Variants in RPRD1A observed in about 807,000 individuals in gnomAD.
The protein encoded by RPRD1A is regulation of nuclear pre-mRNA domain-containing protein 1A.
A neutral mutation model predicts 37.8 loss-of-function variants in RPRD1A; 9 were observed. The observed-to-expected ratio is 0.24, with a 90% CI of 0.14 to 0.42. RPRD1A has a LOEUF of 0.42. Ranked by LOEUF, RPRD1A falls within the 10% of genes least tolerant of loss-of-function variation. RPRD1A has a pLI of 1.00. For synonymous variants in RPRD1A, 138 were observed against 139.7 expected (o/e 0.99, Z 0.08); for missense variants, 255 against 371.0 (o/e 0.69, Z 2.57).
chr18:36,035,832 C>A (rs971365343), intron 1 of RPRD1A, among the ~76,000 whole-genome samples: 5 of 151,936 alleles, frequency 3.3e-5, no homozygotes, highest in African/African-American at 1.2e-4. Context: ...GTGAAATAAT[C>A]GAGTCATGAA....
At chr18:36,053,298 C>T (rs868821258) in intron 1 of RPRD1A, among the ~76,000 whole-genome samples, 2 of 152,150 alleles carry the variant, frequency 1.3e-5, no homozygotes, top group African/African-American at 2.4e-5. Flanking sequence ...TTCAGCACCT[C>T]CAAAGACAAG....
At chr18:36,061,096 GC>G (rs764988871) in intron 1 of RPRD1A, among the ~76,000 whole-genome samples, 3 of 152,114 alleles carry the variant, frequency 2.0e-5, no homozygotes, top group Non-Finnish European at 4.4e-5. Context: ...GCAGGCCCAA[GC>G]CCCCCTACCC....
intron 1 of RPRD1A, among the ~76,000 whole-genome samples, chr18:36,064,763 TC>T (rs1346146490): frequency 6.6e-6 from 1 of 152,128 alleles, no homozygotes; most frequent in African/African-American, 2.4e-5. Flanking sequence ...TGCGTCCACT[TC>T]CCTGCTGTTG....
At chr18:36,057,012 C>G (rs545544614) in intron 1 of RPRD1A, among the ~76,000 whole-genome samples, 1 of 118,018 alleles carries the variant, frequency 8.5e-6, no homozygotes, top group Non-Finnish European at 1.7e-5. Context: ...CCCAGGAGTT[C>G]GAGACCAGCC....
chr18:36,017,800 TA>T (rs1910696835), intron 6 of RPRD1A, among the ~76,000 whole-genome samples: 6 of 152,326 alleles, frequency 3.9e-5, no homozygotes, highest in African/African-American at 1.4e-4. Context: ...TTACATACTT[TA>T]ACGTAAAAGA....
At chr18:36,055,962 A>G (rs1913738428) in intron 1 of RPRD1A, among the ~76,000 whole-genome samples, 1 of 152,198 alleles carries the variant, frequency 6.6e-6, no homozygotes, top group Non-Finnish European at 1.5e-5. Flanking sequence ...ATTGTGTGAT[A>G]CACTAATGCC....
chr18:36,035,000 A>G (rs906408619), intron 1 of RPRD1A, among the ~76,000 whole-genome samples: 2 of 152,086 alleles, frequency 1.3e-5, no homozygotes, highest in African/African-American at 4.8e-5. Flanking sequence ...ACTTTTCATG[A>G]TTTTGCAAGT....
intron 6 of RPRD1A, among the ~76,000 whole-genome samples, chr18:36,015,012 TA>T (rs1439418491): frequency 2.0e-5 from 3 of 152,002 alleles, no homozygotes; most frequent in Admixed American, 2.0e-4. Context: ...CAAAATGTTG[TA>T]GCACTATGGA....
chr18:36,042,271 T>A (rs1287253743), intron 1 of RPRD1A, among the ~76,000 whole-genome samples: 1 of 152,176 alleles, frequency 6.6e-6, no homozygotes, highest in South Asian at 2.1e-4. Flanking sequence ...CTATGGCACA[T>A]CTACCCTAAC....
At chr18:36,029,263 AT>A (rs950159240) in intron 4 of RPRD1A, among the ~76,000 whole-genome samples, 1 of 151,954 alleles carries the variant, frequency 6.6e-6, no homozygotes, top group Admixed American at 6.6e-5. Flanking sequence ...AATTGATTGT[AT>A]TTTTCTTTCA....
chr18:36,016,519 G>T (rs1050609173), intron 6 of RPRD1A, among the ~76,000 whole-genome samples: 1 of 152,080 alleles, frequency 6.6e-6, no homozygotes, highest in African/African-American at 2.4e-5. Context: ...CACCGCGCCC[G>T]GCCTGTTTTG....
intron 2 of RPRD1A, among the ~76,000 whole-genome samples, chr18:36,033,098 T>C (rs1911916164): frequency 6.6e-6 from 1 of 151,814 alleles, no homozygotes; most frequent in Non-Finnish European, 1.5e-5. Context: ...GGTCAGGAGT[T>C]CAAGACCAGC....
At chr18:35,996,999 AAAAAG>A (rs1351396372) in intron 6 of RPRD1A, among the ~76,000 whole-genome samples, 4 of 147,010 alleles carry the variant, frequency 2.7e-5, no homozygotes, top group African/African-American at 9.8e-5. Context: ...AAAAAAAAAA[AAAAAG>A]AACTATCTGT....
chr18:36,058,127 T>A (rs993205834), intron 1 of RPRD1A, among the ~76,000 whole-genome samples: 74 of 152,206 alleles, frequency 4.9e-4, no homozygotes, highest in African/African-American at 1.6e-3. Context: ...CATTGCAACC[T>A]CTGCCTCCAG....
At chr18:36,056,128 T>C (rs187279583) in intron 1 of RPRD1A, among the ~76,000 whole-genome samples, 36 of 152,278 alleles carry the variant, frequency 2.4e-4, no homozygotes, top group African/African-American at 8.4e-4. Flanking sequence ...AACAATTATG[T>C]AAATTTTGGC....
intron 1 of RPRD1A, among the ~76,000 whole-genome samples, chr18:36,044,663 G>C (rs1912825472): frequency 6.6e-6 from 1 of 151,766 alleles, no homozygotes; most frequent in Non-Finnish European, 1.5e-5. Context: ...ACTCCAGCCT[G>C]GACGACAGAG....
At chr18:36,036,803 C>A (rs1239670166) in intron 1 of RPRD1A, among the ~76,000 whole-genome samples, 1 of 152,000 alleles carries the variant, frequency 6.6e-6, no homozygotes, top group African/African-American at 2.4e-5. Flanking sequence ...AAAAGAGAAA[C>A]AGTTAACAGA....
chr18:36,040,029 T>C (rs1317312779), intron 1 of RPRD1A, among the ~76,000 whole-genome samples: 1 of 152,230 alleles, frequency 6.6e-6, no homozygotes, highest in Non-Finnish European at 1.5e-5. Context: ...TATTAACAAT[T>C]ACTAGACATC....
At position 35,993,106 on chromosome 18, in the gene RPRD1A, C is replaced by G. The variant is rs780059559; in HGVS notation, c.*45G>C. ...CTACAGGACTATCCACCTAACCTGT[C>G]TCCATCTCTTGCAAAGTCCTGGGAC... On this transcript the variant is annotated 3_prime_UTR_variant, in exon 7 of 7. Transcript: ENST00000399022. The G allele has an allele frequency of 7.6e-6, 12 of 1,580,814 alleles. No individual in the cohort carries two copies. The highest frequency in any genetic ancestry group is 1.0e-5 in the Non-Finnish European group (12 of 1,160,294).
Sources: gnomAD v4.1 joint callset for allele counts (sites outside exome capture counted in the v4.1 genomes callset) on GRCh38, gnomAD v4.1.1 for gene constraint, MANE v1.5 for transcripts, NCBI Gene and HGNC (gene_info 2026-07-23, HGNC 2026-07-21) for gene names.